Variants in HK3 observed in about 807,000 individuals in gnomAD.
HK3 encodes the protein hexokinase 3.
Under a neutral mutation model 91.0 loss-of-function variants are expected in HK3, and 93 were observed. The observed-to-expected ratio is 1.02, with a 90% confidence interval of 0.86 to 1.21. The LOEUF (loss-of-function observed/expected upper bound fraction) is 1.21. Among genes scored for constraint, HK3 ranks in the 50% most tolerant of loss-of-function variants. The pLI is 0.00. For missense variants in HK3, 1,235 were observed against 1,247.4 expected, an observed-to-expected ratio of 0.99 and a Z score of 0.15; for synonymous variants, 519 against 516.9, an observed-to-expected ratio of 1.00 and a Z score of -0.06.
chr5:176,888,996 T>G, intron 8 of HK3, 132 bp from the exon 9 acceptor site: 3 of 1,013,220 alleles, frequency 3.0e-6, no homozygotes, highest in Non-Finnish European at 4.2e-6. Flanking sequence ...AAGCAACGAA[T>G]AGCCTCCCAG....
rs1386432408 is a variant in HK3, at chr5:176,883,878, A to G, written c.1954-9T>C. 1 of 1,613,578 alleles carries G rather than the reference A, an allele frequency of 6.2e-7. No individual in the cohort carries two copies. The highest frequency in any genetic ancestry group is 8.5e-7 in the Non-Finnish European group (1 of 1,179,584). Reference sequence around the variant, plus strand: ...ACATTCAGCTCCACTGCCTGCACACAAAAGGATGCTGCTAGTTGCTGGGCA... The same window carrying G: ...ACATTCAGCTCCACTGCCTGCACACGAAAGGATGCTGCTAGTTGCTGGGCA... On this transcript the variant is annotated splice_polypyrimidine_tract_variant and intron_variant, in intron 14 of 18. Coordinates refer to ENST00000292432, the MANE Select transcript of HK3 (RefSeq NM_002115.3).
At chr5:176,894,107 G>A (rs1352103232) in intron 2 of HK3, among the ~76,000 whole-genome samples, 1 of 152,148 alleles carries the variant, frequency 6.6e-6, no homozygotes, top group Admixed American at 6.5e-5. Context: ...TCACACATAG[G>A]AGATGCTCAG....
intron 1 of HK3, among the ~76,000 whole-genome samples, chr5:176,896,949 G>A (rs1758922611): frequency 6.6e-6 from 1 of 152,086 alleles, no homozygotes; most frequent in African/African-American, 2.4e-5. Context: ...AACATCAGGT[G>A]GGTTTTAACA....
chr5:176,890,814 C>G lies in HK3; in HGVS notation c.534+8G>C. On this transcript the variant is annotated splice_region_variant and intron_variant, in intron 5 of 18. Coordinates refer to ENST00000292432, the MANE Select transcript of HK3 (RefSeq NM_002115.3). ...TCTACCCAGCGTCCCATGTCCACTC[C>G]ACCTCACCCTGTCCAAGCCCGTCTG... The G allele has an allele frequency of 6.2e-7, 1 of 1,614,210 alleles. No homozygotes were observed. The highest frequency in any genetic ancestry group is 8.5e-7 in the Non-Finnish European group (1 of 1,180,044).
In HK3 at chr5:176,882,127, C is replaced by T; in HGVS notation, c.2054G>A (p.Gly685Glu). Residue 685 changes from glycine (G) to glutamate (E), a missense_variant and splice_region_variant, in exon 16 of 19, where the codon GGA (glycine) becomes GAA (glutamate). Gly to Glu is a moderately conservative substitution (Grantham distance 98). Coordinates refer to ENST00000292432, the MANE Select transcript of HK3 (RefSeq NM_002115.3). ...DPRCEIGLIV[G>E]TGTNACYMEE... The stretch of plus-strand genomic sequence containing the variant: ...CATGTAGCAGGCATTGGTGCCGGTT[C>T]CTGCAGAGAGGCCAGACAACGTGGA... 6.2e-7 allele frequency: 1 copy of T among 1,612,716 alleles called. No homozygotes were observed. Among genetic ancestry groups the T allele is most frequent in the Non-Finnish European group, 8.5e-7 (1 of 1,179,926 alleles).
At chr5:176,895,984 A>G (rs1758900677) in intron 2 of HK3, 80 bp downstream of exon 2, 1 of 1,152,018 alleles carries the variant, frequency 8.7e-7, no homozygotes, top group Non-Finnish European at 1.3e-6. Context: ...GTGAGAGCCC[A>G]GGGCCCCATG....
chr5:176,892,699 C>A (rs760317930), intron 2 of HK3, among the ~76,000 whole-genome samples: 31 of 152,152 alleles, frequency 2.0e-4, no homozygotes, highest in Non-Finnish European at 4.3e-4. Flanking sequence ...TGACCTATTG[C>A]CCCAAACTGG....
At chr5:176,893,124 G>A (rs1758820052) in intron 2 of HK3, among the ~76,000 whole-genome samples, 2 of 152,164 alleles carry the variant, frequency 1.3e-5, no homozygotes, top group African/African-American at 4.8e-5. Flanking sequence ...TTGCCCCTCT[G>A]AGCCCCAGCT....
In HK3 at chr5:176,890,708, T is replaced by G; in HGVS notation, c.557A>C (p.Lys186Thr). The change falls in exon 6 of 19, where the codon AAA (lysine) becomes ACA (threonine). Residue 186 changes from lysine (K) to threonine (T), a missense_variant. By Grantham distance (78) the Lys-to-Thr change is moderately conservative. This residue lies in a region of HK3 where 717 missense variants were observed against 751.6 expected (regional missense o/e 0.95). Coordinates refer to ENST00000292432, the MANE Select transcript of HK3 (RefSeq NM_002115.3). Reference sequence around the variant, plus strand: ...TTCCACACCACTGCACCTAAAACCTTTGGTCCAGGAAATGAGGGTGCTCTG... The same window carrying G: ...TTCCACACCACTGCACCTAAAACCTGTGGTCCAGGAAATGAGGGTGCTCTG... ...LDRSTLISWT[K>T]GFRCSGVEGQ... 2 of 1,614,114 alleles carry G rather than the reference T, an allele frequency of 1.2e-6. No individual in the cohort carries two copies. The highest frequency in any genetic ancestry group is 1.7e-6 in the Non-Finnish European group (2 of 1,180,012).
In HK3 at chr5:176,881,228, A is replaced by G. The variant is rs780398105; in HGVS notation, c.2628-11T>C. ...ACCAGGCTGGAGAAGCTGTGAGAGGAGGGCTGAGGTGAGCCCAGGCCACCA... is the reference window on the plus strand; with the variant it reads ...ACCAGGCTGGAGAAGCTGTGAGAGGGGGGCTGAGGTGAGCCCAGGCCACCA... On this transcript the variant is annotated splice_polypyrimidine_tract_variant and intron_variant, in intron 18 of 18. Transcript: ENST00000292432. 1.9e-6 allele frequency: 3 copies of G among 1,613,144 alleles called. No individual in the cohort carries two copies. The South Asian group carries it at 3.3e-5, about 18-fold the overall frequency.
chr5:176,896,799 G>C (rs1238904815), intron 1 of HK3, among the ~76,000 whole-genome samples: 1 of 152,210 alleles, frequency 6.6e-6, no homozygotes, highest in Non-Finnish European at 1.5e-5. Flanking sequence ...CCTGACCTTG[G>C]ACGTCATTTA....
Position 176,881,124 on chromosome 5 carries a change from C to G in HK3, c.2721G>C (p.Ala907=). ...LQSEDGSGKG[A]ALVTAVACRL... is the part of the protein sequence containing the mutation. ...GGCAGGCAACAGCGGTGACCAGGGC[C>G]GCACCTTTGCCGGACCCATCCTCTG... Residue 907 remains alanine (A), a synonymous_variant, in exon 19 of 19, where the codon GCG becomes GCC. Coordinates refer to ENST00000292432, the MANE Select transcript of HK3 (RefSeq NM_002115.3). 1 of 1,612,924 alleles carries G rather than the reference C, an allele frequency of 6.2e-7. No individual in the cohort carries two copies. Among genetic ancestry groups the G allele is most frequent in the Non-Finnish European group, 8.5e-7 (1 of 1,179,896 alleles).
rs747904642 is a variant in HK3, at chr5:176,888,466, G to T, written c.1170C>A (p.Ala390=). 10 of 1,554,206 alleles carry T rather than the reference G, an allele frequency of 6.4e-6. No individual in the cohort carries two copies. Among genetic ancestry groups the T allele is most frequent in the Middle Eastern group, 1.7e-4 (1 of 5,994 alleles). ...AGAGCTGGGCAGCCCGCGTGCACAC[G>T]GCCGCACAGACGTGCTGCACAAGCT... ...DVELVQHVCA[A]VCTRAAQLCA... is the part of the protein sequence containing the mutation. Residue 390 remains alanine (A), a synonymous_variant, in exon 10 of 19, where the codon GCC becomes GCA. Transcript: ENST00000292432.
Position 176,889,866 on chromosome 5 carries a change from T to A in HK3, c.631-122A>T. ...ATACATAGAGTCCATGAAACACATG[T>A]CTGCATGCCACACACATTTGTGCCA... On this transcript the variant is annotated intron_variant, in intron 6 of 18. Coordinates refer to ENST00000292432, the MANE Select transcript of HK3 (RefSeq NM_002115.3). The A allele has an allele frequency of 4.0e-6, 3 of 741,468 alleles. No homozygotes were observed. The Admixed American group carries it at 6.4e-5, about 16-fold the overall frequency. 45.9% of individuals were successfully genotyped at this position (741,468 alleles called of 1,614,324 possible). A position where few individuals can be genotyped will look rare whatever the true frequency, so the allele number is the denominator to read the frequency against.
chr5:176,896,209 G>C, intron 1 of HK3, 24 bp from the exon 2 acceptor site: 3 of 1,399,716 alleles, frequency 2.1e-6, no homozygotes, highest in Non-Finnish European at 3.0e-6. Context: ...GGGACAACCT[G>C]GGTCAACCAT....
intron 8 of HK3, 58 bp downstream of exon 8, chr5:176,889,323 A>G (rs1758694811): frequency 6.4e-6 from 10 of 1,551,694 alleles, no homozygotes; most frequent in South Asian, 4.6e-5. Context: ...AGGGGTTGGG[A>G]GCAGAGCAGT....
At chr5:176,898,260 G>T (rs533896396) in intron 1 of HK3, among the ~76,000 whole-genome samples, 1 of 152,328 alleles carries the variant, frequency 6.6e-6, no homozygotes, top group Non-Finnish European at 1.5e-5. Flanking sequence ...GTCTGGTATA[G>T]GTATGTGCTA....
In HK3 at chr5:176,889,706, T is replaced by G. The variant is rs759104794; in HGVS notation, c.669A>C (p.Thr223=). ...GCTCACAGCCCATCATGGTGCCCAC[T>G]GTGTCGTTCACCACAGCAACCACGT... The part of the protein sequence containing the change: ...NIDVVAVVND[T]VGTMMGCEPG... The change falls in exon 7 of 19, where the codon ACA becomes ACC. Residue 223 remains threonine (T), a synonymous_variant. Coordinates refer to ENST00000292432, the MANE Select transcript of HK3 (RefSeq NM_002115.3). 6.2e-7 allele frequency: 1 copy of G among 1,614,116 alleles called. No individual in the cohort carries two copies. The highest frequency in any genetic ancestry group is 8.5e-7 in the Non-Finnish European group (1 of 1,180,022).
rs761655779 is a variant in HK3, at chr5:176,887,644, C to T, written c.1407G>A (p.Val469=). The change falls in exon 11 of 19, where the codon GTG becomes GTA. Residue 469 remains valine, a synonymous_variant. Transcript: ENST00000292432. This position sits in a 1 kb window ranked among gnomAD's most constrained non-coding sequence, Gnocchi z 4.9. ...CAGCCAGACGGGCAGCCACGGCAGT[C>T]ACCATCGCCACTCCCCGGCCACCAC... ...VDGGGRGVAM[V]TAVAARLAAH... 6 of 1,613,742 alleles carry T rather than the reference C, an allele frequency of 3.7e-6. No individual in the cohort carries two copies. Among genetic ancestry groups the T allele is most frequent in the South Asian group, 1.1e-5 (1 of 91,066 alleles).
Sources: allele counts gnomAD v4.1 joint callset (sites outside exome capture counted in the v4.1 genomes callset), GRCh38; gene constraint gnomAD v4.1.1; regional missense constraint gnomAD v4.1.1; non-coding constraint Gnocchi (gnomAD v3.1); transcripts MANE v1.5; gene names NCBI Gene and HGNC (gene_info 2026-07-23, HGNC 2026-07-21).